Variants in MEI4 observed in about 807,000 individuals in gnomAD.
MEI4 encodes the protein meiotic double-stranded break formation protein 4, also known as meiosis-specific protein MEI4.
In MEI4, 27 loss-of-function variants were observed where a neutral mutation model predicts 31.4. The ratio of observed to expected loss-of-function variants is 0.86; its 90% CI spans 0.63 to 1.19. MEI4 has a LOEUF of 1.19. Ranked by LOEUF, MEI4 falls within the 50% of genes most tolerant of loss-of-function variation. MEI4 has a pLI of 0.00. For synonymous variants in MEI4, 122 were observed against 145.4 expected, an observed-to-expected ratio of 0.84 and a Z score of 1.16; for missense variants, 329 against 398.9, an observed-to-expected ratio of 0.82 and a Z score of 1.49.
chr6:77,735,529 A>G (rs1032047983), intron 2 of MEI4, among the ~76,000 whole-genome samples: 3 of 151,944 alleles, frequency 2.0e-5, no homozygotes, highest in Admixed American at 2.0e-4. Context: ...CTAGTTATAC[A>G]TTCTTCTAAA....
chr6:77,667,928 G>C (rs552974354), intron 1 of MEI4, among the ~76,000 whole-genome samples: 2 of 149,178 alleles, frequency 1.3e-5, no homozygotes, highest in East Asian at 4.0e-4. Context: ...GTCCTCAGCA[G>C]AATCAGTTGC....
At chr6:77,753,630 G>A (rs1441762055) in intron 2 of MEI4, among the ~76,000 whole-genome samples, 1 of 152,168 alleles carries the variant, frequency 6.6e-6, no homozygotes, top group Non-Finnish European at 1.5e-5. Context: ...TGGAGAAATA[G>A]GAATGCTTTT....
rs1203503363 is a variant in MEI4, at chr6:77,656,327, T to C, written c.-15+3235T>C. Among the ~76,000 whole-genome samples, 6 of 152,272 alleles carry C rather than the reference T, an allele frequency of 3.9e-5. 1 individual carries two copies. The South Asian group carries it at 6.2e-4, about 16-fold the overall frequency. ...ATGACTTCCTATTTTCATGAATGTC[T>C]GTCTCTTGCAAGATTAAAAAAAACA... On this transcript the variant is annotated intron_variant, in intron 1 of 4. Coordinates refer to ENST00000684080, the MANE Select transcript of MEI4 (RefSeq NM_001322247.2).
chr6:77,879,327 G>A (rs1037324672), intron 4 of MEI4, among the ~76,000 whole-genome samples: 1 of 152,042 alleles, frequency 6.6e-6, no homozygotes, highest in Non-Finnish European at 1.5e-5. Flanking sequence ...ATAAAATGAT[G>A]ACATGAAAAG....
chr6:77,912,674 C>A (rs1358705074), intron 4 of MEI4, among the ~76,000 whole-genome samples: 2 of 152,040 alleles, frequency 1.3e-5, no homozygotes, highest in Non-Finnish European at 1.5e-5. Flanking sequence ...TTTTCTCCAA[C>A]TTTACTGAGT....
chr6:77,864,662 G>C (rs1040064274), intron 4 of MEI4, among the ~76,000 whole-genome samples: 3 of 152,064 alleles, frequency 2.0e-5, no homozygotes, highest in African/African-American at 7.2e-5. Context: ...GTCAACATTA[G>C]ACAGATCAAT....
At chr6:77,917,841 C>G (rs1312256742) in intron 4 of MEI4, among the ~76,000 whole-genome samples, 1 of 147,802 alleles carries the variant, frequency 6.8e-6, no homozygotes, top group Non-Finnish European at 1.5e-5. Context: ...AAGTCGTTGC[C>G]CATGCCTATG....
chr6:77,737,045 C>T (rs182961691), intron 2 of MEI4, among the ~76,000 whole-genome samples: 15 of 152,070 alleles, frequency 9.9e-5, no homozygotes, highest in Non-Finnish European at 1.9e-4. Context: ...AATAAGATGA[C>T]AAACTAGGTT....
chr6:77,899,024 C>T (rs866891567), intron 4 of MEI4, among the ~76,000 whole-genome samples: 4 of 151,918 alleles, frequency 2.6e-5, no homozygotes, highest in African/African-American at 7.2e-5. Flanking sequence ...ATCGGGAATA[C>T]GACTCTTTCT....
intron 4 of MEI4, among the ~76,000 whole-genome samples, chr6:77,906,974 G>A (rs982605591): frequency 7.9e-5 from 12 of 151,848 alleles, no homozygotes; most frequent in Admixed American, 2.0e-4. Flanking sequence ...GCACTACAGC[G>A]TCTGAGACAT....
chr6:77,759,076 T>G (rs1356345313), intron 2 of MEI4, among the ~76,000 whole-genome samples: 1 of 152,176 alleles, frequency 6.6e-6, no homozygotes, highest in Non-Finnish European at 1.5e-5. Flanking sequence ...GTGTTTTGTT[T>G]GTTTGTTTGT....
intron 4 of MEI4, among the ~76,000 whole-genome samples, chr6:77,908,611 G>A (rs1766355004): frequency 6.6e-6 from 1 of 152,090 alleles, no homozygotes; most frequent in South Asian, 2.1e-4. Flanking sequence ...TTTTGGCTTA[G>A]GATTGACTTG....
In MEI4 at chr6:77,789,800, G is replaced by A. The variant is rs552413313; in HGVS notation, c.768+28135G>A. ...GGAGAAATAGGAACACTTTTACACT[G>A]TTGGTGGGACTGTAAACTATTTCAA... On this transcript the variant is annotated intron_variant, in intron 3 of 4. Transcript: ENST00000684080. Among the ~76,000 whole-genome samples, 244 of 152,308 alleles carry A rather than the reference G, an allele frequency of 1.6e-3. 1 individual carries two copies. The highest frequency in any genetic ancestry group is 2.8e-3 in the Non-Finnish European group (191 of 68,022).
chr6:77,860,551 A>G (rs1364549234), intron 4 of MEI4, among the ~76,000 whole-genome samples: 1 of 152,186 alleles, frequency 6.6e-6, no homozygotes, highest in Non-Finnish European at 1.5e-5. Flanking sequence ...CCAAGCTCAC[A>G]CTTTCTGATA....
At chr6:77,758,038 C>A (rs1312207656) in intron 2 of MEI4, among the ~76,000 whole-genome samples, 1 of 151,866 alleles carries the variant, frequency 6.6e-6, no homozygotes, top group Non-Finnish European at 1.5e-5. Flanking sequence ...TGCCTGTAGT[C>A]CCAGCTACTT....
intron 4 of MEI4, among the ~76,000 whole-genome samples, chr6:77,911,212 G>T (rs950938140): frequency 3.3e-5 from 5 of 151,946 alleles, no homozygotes; most frequent in Admixed American, 3.3e-4. Context: ...CTCTCATTCT[G>T]TAAGTTACCT....
At chr6:77,804,011 ACATTTATGT>A (rs1182614959) in intron 3 of MEI4, among the ~76,000 whole-genome samples, 3 of 152,266 alleles carry the variant, frequency 2.0e-5, no homozygotes, top group Middle Eastern at 3.4e-3. Context: ...TCAAACAGGG[ACATTTATGT>A]CTGCAGAGGT....
intron 4 of MEI4, among the ~76,000 whole-genome samples, chr6:77,920,819 TA>T (rs1766686272): frequency 6.6e-6 from 1 of 151,932 alleles, no homozygotes. Flanking sequence ...CAATGAGCAG[TA>T]ATCTTTTGAA....
intron 4 of MEI4, among the ~76,000 whole-genome samples, chr6:77,865,636 G>A (rs1304267910): frequency 1.3e-5 from 2 of 152,096 alleles, no homozygotes; most frequent in African/African-American, 2.4e-5. Flanking sequence ...TCACAGCTGA[G>A]TTCTACCAGA....
Sources: allele counts gnomAD v4.1 joint callset (sites outside exome capture counted in the v4.1 genomes callset), GRCh38; gene constraint gnomAD v4.1.1; transcripts MANE v1.5; gene names NCBI Gene and HGNC (gene_info 2026-07-23, HGNC 2026-07-21).